Variants in LRRTM4 observed in about 807,000 individuals in gnomAD.
LRRTM4 encodes the protein leucine-rich repeat transmembrane neuronal protein 4.
A neutral mutation model predicts 47.6 loss-of-function variants in LRRTM4; 25 were observed. The ratio of observed to expected loss-of-function variants is 0.53; its 90% CI spans 0.38 to 0.73. The LOEUF is 0.73. Ranked by LOEUF, LRRTM4 falls within the 30% of genes least tolerant of loss-of-function variation. The pLI is 0.00. For missense variants in LRRTM4, 638 were observed against 713.4 expected (o/e 0.89, Z 1.20); for synonymous variants, 311 against 269.5 (o/e 1.15, Z -1.51).
chr2:77,293,170 T>C (rs1382578795), intron 3 of LRRTM4, among the ~76,000 whole-genome samples: 1 of 152,050 alleles, frequency 6.6e-6, no homozygotes, highest in Non-Finnish European at 1.5e-5. Flanking sequence ...AAAAGTGTCA[T>C]TAAATATGAA....
chr2:77,073,437 T>C (rs1680228412), intron 3 of LRRTM4, among the ~76,000 whole-genome samples: 1 of 152,042 alleles, frequency 6.6e-6, no homozygotes, highest in Non-Finnish European at 1.5e-5. Context: ...TGAGGAATTA[T>C]ATAGCATTTC....
intron 3 of LRRTM4, among the ~76,000 whole-genome samples, chr2:77,464,269 G>A (rs1056381777): frequency 1.3e-5 from 2 of 151,900 alleles, no homozygotes; most frequent in African/African-American, 2.4e-5. Flanking sequence ...TGCAAGTTTA[G>A]GTTGACAATG....
intron 3 of LRRTM4, among the ~76,000 whole-genome samples, chr2:77,368,402 G>A (rs910711508): frequency 6.6e-6 from 1 of 151,500 alleles, no homozygotes; most frequent in Non-Finnish European, 1.5e-5. Context: ...TTGTCTTTGA[G>A]GTACCATGAG....
At chr2:76,988,281 G>A (rs957172943) in intron 3 of LRRTM4, among the ~76,000 whole-genome samples, 2 of 151,814 alleles carry the variant, frequency 1.3e-5, no homozygotes, top group Non-Finnish European at 2.9e-5. Flanking sequence ...TTAAGCACAA[G>A]GAAAGAAAAG....
chr2:77,098,631 T>C (rs149649805), intron 3 of LRRTM4, among the ~76,000 whole-genome samples: 92 of 152,068 alleles, frequency 6.0e-4, no homozygotes, highest in African/African-American at 2.1e-3. Context: ...AAACCACTAA[T>C]TTAAAAGACT....
At chr2:76,796,501 C>T (rs1675333686) in intron 3 of LRRTM4, among the ~76,000 whole-genome samples, 1 of 132,044 alleles carries the variant, frequency 7.6e-6, no homozygotes, top group African/African-American at 3.0e-5. Flanking sequence ...TCAAGTGGGT[C>T]CCTGACCCCA....
chr2:76,869,077 G>A (rs13385519), intron 3 of LRRTM4, among the ~76,000 whole-genome samples: 57,348 of 151,888 alleles, frequency 0.38, 11,910 homozygotes, highest in East Asian at 0.6. Context: ...TTGGGAGGCC[G>A]AGGTGAGCAG....
intron 3 of LRRTM4, among the ~76,000 whole-genome samples, chr2:77,122,477 CATAA>C (rs1671544772): frequency 1.3e-5 from 2 of 149,614 alleles, no homozygotes; most frequent in South Asian, 4.2e-4. Context: ...TATATACACA[CATAA>C]ATACTATATA....
chr2:76,867,455 T>C (rs985047354), intron 3 of LRRTM4, among the ~76,000 whole-genome samples: 2 of 152,192 alleles, frequency 1.3e-5, no homozygotes, highest in African/African-American at 4.8e-5. Context: ...TGGAAATATC[T>C]TTGCTGTTTA....
At chr2:76,910,595 G>A (rs1674018893) in intron 3 of LRRTM4, among the ~76,000 whole-genome samples, 1 of 152,152 alleles carries the variant, frequency 6.6e-6, no homozygotes, top group Non-Finnish European at 1.5e-5. Flanking sequence ...TTCCCATAAA[G>A]AATGTATGTA....
chr2:76,809,236 A>G (rs1042768439), intron 3 of LRRTM4, among the ~76,000 whole-genome samples: 1 of 152,176 alleles, frequency 6.6e-6, no homozygotes, highest in South Asian at 2.1e-4. Context: ...ACATACATGC[A>G]ATCCTATTGT....
At chr2:77,521,065 C>T (rs965088986) in intron 2 of LRRTM4, among the ~76,000 whole-genome samples, 1 of 151,706 alleles carries the variant, frequency 6.6e-6, no homozygotes, top group Non-Finnish European at 1.5e-5. Context: ...AATTTAAAAC[C>T]CGATCTTGCT....
chr2:76,859,516 T>C (rs755843894), intron 3 of LRRTM4, among the ~76,000 whole-genome samples: 14 of 152,186 alleles, frequency 9.2e-5, no homozygotes, highest in African/African-American at 2.2e-4. Context: ...AGCTGGTTAA[T>C]AGCATAGTTG....
At chr2:76,809,920 C>T (rs1000510699) in intron 3 of LRRTM4, among the ~76,000 whole-genome samples, 1 of 152,138 alleles carries the variant, frequency 6.6e-6, no homozygotes, top group Non-Finnish European at 1.5e-5. Context: ...TCACTTTATA[C>T]AGTTCCTATT....
intron 3 of LRRTM4, among the ~76,000 whole-genome samples, chr2:77,162,055 G>A (rs572473210): frequency 2.0e-5 from 3 of 152,234 alleles, no homozygotes; most frequent in South Asian, 4.1e-4. Context: ...CACAGAGCGG[G>A]AATTCCCTTT....
intron 3 of LRRTM4, among the ~76,000 whole-genome samples, chr2:77,083,737 CCTTT>C (rs1444880506): frequency 7.1e-6 from 1 of 141,098 alleles, no homozygotes; most frequent in African/African-American, 2.6e-5. Context: ...AATGATTCTT[CCTTT>C]CTTTCATAGT....
intron 3 of LRRTM4, among the ~76,000 whole-genome samples, chr2:77,090,188 C>T (rs998243100): frequency 2.0e-5 from 3 of 152,140 alleles, no homozygotes; most frequent in African/African-American, 4.8e-5. Context: ...TAGCCCTCCC[C>T]GTCCTGCCCA....
chr2:77,113,218 C>T (rs1671298207), intron 3 of LRRTM4, among the ~76,000 whole-genome samples: 1 of 152,030 alleles, frequency 6.6e-6, no homozygotes, highest in Non-Finnish European at 1.5e-5. Context: ...AGACGGGCCT[C>T]CTCTGACCAC....
At chr2:76,761,705 C>G (rs1373864911) in intron 3 of LRRTM4, among the ~76,000 whole-genome samples, 2 of 152,150 alleles carry the variant, frequency 1.3e-5, no homozygotes, top group Non-Finnish European at 2.9e-5. Context: ...CTAATAAGGA[C>G]TCTCACTGTT....
Sources: allele counts gnomAD v4.1 joint callset (sites outside exome capture counted in the v4.1 genomes callset), GRCh38; gene constraint gnomAD v4.1.1; transcripts MANE v1.5; gene names NCBI Gene and HGNC (gene_info 2026-07-23, HGNC 2026-07-21).